The following ASB15 variants were observed in gnomAD, a reference collection of about 807,000 sequenced individuals.
The protein encoded by ASB15 is ankyrin repeat and SOCS box containing 15, also known as ankyrin repeat and SOCS box protein 15.
In ASB15, 54 loss-of-function variants were observed where a neutral mutation model predicts 58.0. The observed-to-expected ratio is 0.93, with a 90% CI of 0.75 to 1.17. The LOEUF (loss-of-function observed/expected upper bound fraction) is 1.17. Ranked by LOEUF, ASB15 falls within the 50% of genes most tolerant of loss-of-function variation. ASB15 has a pLI of 0.00. For synonymous variants in ASB15, 249 were observed against 262.4 expected (o/e 0.95, Z 0.50); for missense variants, 680 against 707.4 (o/e 0.96, Z 0.44).
chr7:123,637,889 A>AAAAAAAAAAAAAAAAAAAAAAAAAAAAC lies in ASB15; in HGVS notation c.*919_*920insAAAAAAAAAAAAAAAACAAAAAAAAAAA. 6.7e-6 allele frequency: 1 copy of AAAAAAAAAAAAAAAAAAAAAAAAAAAAC among 148,836 alleles called. No homozygotes were observed. The highest frequency in any genetic ancestry group is 1.5e-5 in the Non-Finnish European group (1 of 67,364). The allele number at this position is 148,836 out of a possible 1,614,324, so 9.2% of individuals were successfully genotyped here. On this transcript the variant is annotated 3_prime_UTR_variant, in exon 12 of 12. Coordinates refer to ENST00000451215, the MANE Select transcript of ASB15 (RefSeq NM_001290258.2). The stretch of plus-strand genomic sequence containing the variant: ...GTCCCCAGATGAACTAAAAAAAAAA[A>AAAAAAAAAAAAAAAAAAAAAAAAAAAAC]AAAAAAAAAAACCTCTTTCCCGAGC...
chr7:123,611,808 C>A (rs1360450764), intron 3 of ASB15, among the ~76,000 whole-genome samples: 1 of 152,104 alleles, frequency 6.6e-6, no homozygotes, highest in Non-Finnish European at 1.5e-5. Context: ...AGTACACCTG[C>A]ATGCAGATCT....
intron 8 of ASB15, 56 bp from the exon 9 acceptor site, chr7:123,627,054 G>A: frequency 6.5e-7 from 1 of 1,527,796 alleles, no homozygotes; most frequent in Non-Finnish European, 8.9e-7. Flanking sequence ...TGTTTTTAAG[G>A]GGATTGTTTA....
chr7:123,618,286 GAACA>G (rs1359594865), intron 7 of ASB15, among the ~76,000 whole-genome samples: 1 of 148,808 alleles, frequency 6.7e-6, no homozygotes, highest in Non-Finnish European at 1.5e-5. Context: ...GCTATTTGCT[GAACA>G]ATAAGAATTG....
intron 6 of ASB15, 133 bp from the exon 7 acceptor site, chr7:123,617,446 T>C (rs1800895460): frequency 3.7e-6 from 3 of 816,034 alleles, no homozygotes; most frequent in South Asian, 6.3e-5. Context: ...TGGTAAACTT[T>C]TGTCAAAGTC....
At chr7:123,631,303 T>C (rs1422957579) in intron 11 of ASB15, among the ~76,000 whole-genome samples, 2 of 152,178 alleles carry the variant, frequency 1.3e-5, no homozygotes, top group Non-Finnish European at 2.9e-5. Context: ...GCATATAAGG[T>C]GGTAGTGTCT....
intron 1 of ASB15, among the ~76,000 whole-genome samples, chr7:123,594,194 G>T (rs776302597): frequency 6.6e-6 from 1 of 151,930 alleles, no homozygotes; most frequent in Admixed American, 6.6e-5. Context: ...CTTTTTTCAA[G>T]GTTTTTAGCT....
intron 3 of ASB15, among the ~76,000 whole-genome samples, chr7:123,613,198 A>G (rs949817216): frequency 6.6e-6 from 1 of 152,184 alleles, no homozygotes; most frequent in African/African-American, 2.4e-5. Context: ...GGATGTTAGC[A>G]GGTATAGAGT....
At chr7:123,624,865 C>A in intron 8 of ASB15, 51 bp downstream of exon 8, 1 of 1,545,898 alleles carries the variant, frequency 6.5e-7, no homozygotes, top group African/African-American at 1.4e-5. Context: ...CTCTCGAACT[C>A]TCCTTTTCTC....
intron 1 of ASB15, among the ~76,000 whole-genome samples, chr7:123,590,602 G>C (rs935451780): frequency 1.3e-5 from 2 of 152,006 alleles, no homozygotes; most frequent in Admixed American, 6.6e-5. Flanking sequence ...TCTTGTTTTT[G>C]TCAGGTTTGT....
At chr7:123,568,251 G>A (rs1460576455) in intron 1 of ASB15, among the ~76,000 whole-genome samples, 1 of 152,130 alleles carries the variant, frequency 6.6e-6, no homozygotes, top group Non-Finnish European at 1.5e-5. Context: ...GGTGGCTCAC[G>A]CCTGTAATCC....
chr7:123,598,993 G>A (rs1180298724), upstream of ASB15: 2 of 152,068 alleles, frequency 1.3e-5, no homozygotes, highest in Non-Finnish European at 2.9e-5. Context: ...CAAGGTTCTG[G>A]GAAGCATACT....
At chr7:123,608,763 G>A (rs963307334) in intron 3 of ASB15, 109 bp downstream of exon 3, 7 of 152,062 alleles carry the variant, frequency 4.6e-5, no homozygotes, top group Non-Finnish European at 7.4e-5. Context: ...TCATCCTAAC[G>A]AATCCATTCA....
In ASB15 at chr7:123,633,913, C is replaced by T. The variant is rs192783343; in HGVS notation, c.1595-2896C>T. ...GATTCATGACAAAAGAATTCAGGGG[C>T]TAACTTGAAGAGGCTCCAACTGGCC... On this transcript the variant is annotated intron_variant, in intron 11 of 11. Transcript: ENST00000451215. Among the ~76,000 whole-genome samples the T allele has an allele frequency of 2.0e-5, 3 of 152,204 alleles. No individual in the cohort carries two copies. In the East Asian group the frequency reaches 5.8e-4, roughly 29 times the overall value.
intron 1 of ASB15, among the ~76,000 whole-genome samples, chr7:123,568,241 G>A (rs7779567): frequency 0.27 from 40,762 of 152,056 alleles, 5,646 homozygotes; most frequent in East Asian, 0.32. Flanking sequence ...GGCTGGGCGC[G>A]GTGGCTCACG....
chr7:123,618,365 C>T (rs1800963933), intron 7 of ASB15, among the ~76,000 whole-genome samples: 1 of 152,154 alleles, frequency 6.6e-6, no homozygotes, highest in African/African-American at 2.4e-5. Flanking sequence ...GATAACATTT[C>T]CTTTCTCTTA....
In ASB15 at chr7:123,637,011, A is replaced by C. The variant is rs983070124; in HGVS notation, c.*30A>C. 1.4e-6 allele frequency: 2 copies of C among 1,400,120 alleles called. No individual in the cohort carries two copies. The highest frequency in any genetic ancestry group is 9.9e-7 in the Non-Finnish European group (1 of 1,012,836). 86.7% of individuals were successfully genotyped at this position (1,400,120 alleles called of 1,614,324 possible). A position where few individuals can be genotyped will look rare whatever the true frequency, so the allele number is the denominator to read the frequency against. On this transcript the variant is annotated 3_prime_UTR_variant, in exon 12 of 12. Transcript: ENST00000451215. ...ATATTTTAAAATGTGATTTAAAAAA[A>C]ATGTTGAAATGTGATTCCCTCAGAT...
chr7:123,601,628 C>T (rs1298451331), upstream of ASB15, among the ~76,000 whole-genome samples: 1 of 152,122 alleles, frequency 6.6e-6, no homozygotes. Context: ...ATTGGCAGGT[C>T]CTTTGTTTTC....
chr7:123,613,198 A>C (rs949817216), intron 3 of ASB15, among the ~76,000 whole-genome samples: 2 of 152,184 alleles, frequency 1.3e-5, no homozygotes, highest in East Asian at 3.8e-4. Context: ...GGATGTTAGC[A>C]GGTATAGAGT....
chr7:123,595,510 C>A (rs1799668720), intron 1 of ASB15, among the ~76,000 whole-genome samples: 2 of 152,212 alleles, frequency 1.3e-5, no homozygotes, highest in Admixed American at 6.5e-5. Flanking sequence ...CAATGACCAA[C>A]TATCGTCATG....
Sources: gnomAD v4.1 joint callset for allele counts (sites outside exome capture counted in the v4.1 genomes callset) on GRCh38, gnomAD v4.1.1 for gene constraint, MANE v1.5 for transcripts, NCBI Gene and HGNC (gene_info 2026-07-23, HGNC 2026-07-21) for gene names.